Variants in ADGRB3 observed in about 807,000 individuals in gnomAD.
ADGRB3 encodes the protein brain-specific angiogenesis inhibitor 3.
ADGRB3 carries 37 observed loss-of-function variants against 193.4 expected under a neutral mutation model. The observed-to-expected ratio is 0.19, with a 90% confidence interval of 0.15 to 0.25. The LOEUF (loss-of-function observed/expected upper bound fraction) is 0.25. ADGRB3 is among the 10% of genes least tolerant of loss of function. The probability of loss-of-function intolerance (pLI) is 1.00; values close to 1 mark genes in which losing one functional copy is unlikely to be tolerated. For missense variants in ADGRB3, 1,637 were observed against 1,852.9 expected, an observed-to-expected ratio of 0.88 and a Z score of 2.14; for synonymous variants, 690 against 644.2, an observed-to-expected ratio of 1.07 and a Z score of -1.08.
At chr6:68,709,618 G>A (rs1765377359) in intron 3 of ADGRB3, among the ~76,000 whole-genome samples, 1 of 152,070 alleles carries the variant, frequency 6.6e-6, no homozygotes, top group South Asian at 2.1e-4. Context: ...CCATGTGATT[G>A]AATATGTGAA....
intron 17 of ADGRB3, among the ~76,000 whole-genome samples, chr6:69,190,161 A>T (rs543049225): frequency 2.6e-5 from 4 of 151,412 alleles, no homozygotes; most frequent in South Asian, 2.1e-4. Flanking sequence ...TTTACTATTT[A>T]AAAAAAAGTT....
intron 20 of ADGRB3, among the ~76,000 whole-genome samples, chr6:69,306,666 T>C (rs1407687722): frequency 6.6e-6 from 1 of 151,556 alleles, no homozygotes; most frequent in Non-Finnish European, 1.5e-5. Flanking sequence ...CACTACCTAA[T>C]TCTGAGATTA....
At chr6:69,122,153 TG>T (rs1773720325) in intron 17 of ADGRB3, among the ~76,000 whole-genome samples, 1 of 151,764 alleles carries the variant, frequency 6.6e-6, no homozygotes, top group African/African-American at 2.4e-5. Flanking sequence ...CACTCCAGCC[TG>T]GGCAACAGTG....
intron 3 of ADGRB3, among the ~76,000 whole-genome samples, chr6:68,713,321 A>T (rs1765435709): frequency 6.6e-6 from 1 of 151,860 alleles, no homozygotes; most frequent in Non-Finnish European, 1.5e-5. Context: ...GCTCTCATTG[A>T]AAATGCTTCA....
intron 30 of ADGRB3, among the ~76,000 whole-genome samples, chr6:69,376,676 A>G (rs1008779878): frequency 1.8e-4 from 28 of 152,066 alleles, no homozygotes; most frequent in Admixed American, 1.0e-3. Flanking sequence ...GTATATTTCA[A>G]TTTCTAAGTA....
intron 3 of ADGRB3, among the ~76,000 whole-genome samples, chr6:68,907,749 T>C (rs183451478): frequency 1.3e-5 from 2 of 152,084 alleles, no homozygotes. Flanking sequence ...TTACTTAGTA[T>C]TTTCAGATAA....
intron 26 of ADGRB3, among the ~76,000 whole-genome samples, chr6:69,349,108 A>T (rs1402634663): frequency 2.0e-5 from 3 of 152,192 alleles, no homozygotes; most frequent in Non-Finnish European, 4.4e-5. Flanking sequence ...ACACTGAAAT[A>T]ATGTCTGCCA....
intron 17 of ADGRB3, among the ~76,000 whole-genome samples, chr6:69,155,146 C>T (rs1774798871): frequency 6.6e-6 from 1 of 152,114 alleles, no homozygotes; most frequent in Non-Finnish European, 1.5e-5. Flanking sequence ...CAGCTATTAA[C>T]CTAAGGTGAC....
At chr6:68,839,749 T>C (rs1382448370) in intron 3 of ADGRB3, among the ~76,000 whole-genome samples, 1 of 152,186 alleles carries the variant, frequency 6.6e-6, no homozygotes, top group Non-Finnish European at 1.5e-5. Context: ...AGAAATCAGA[T>C]GAGCAATTAT....
At chr6:68,765,438 G>A (rs919236650) in intron 3 of ADGRB3, among the ~76,000 whole-genome samples, 3 of 151,588 alleles carry the variant, frequency 2.0e-5, no homozygotes, top group Admixed American at 6.6e-5. Flanking sequence ...AACACCGATC[G>A]CATTTTCTGT....
At chr6:68,983,522 A>G (rs1768985276) in intron 10 of ADGRB3, among the ~76,000 whole-genome samples, 1 of 150,216 alleles carries the variant, frequency 6.7e-6, no homozygotes, top group Non-Finnish European at 1.5e-5. Context: ...ATTGTATAGA[A>G]AAGTATATTT....
At chr6:69,325,994 G>A (rs1768559532) in intron 21 of ADGRB3, among the ~76,000 whole-genome samples, 1 of 151,678 alleles carries the variant, frequency 6.6e-6, no homozygotes, top group African/African-American at 2.4e-5. Flanking sequence ...ACCTGAGCGT[G>A]GGTGGACTAC....
intron 13 of ADGRB3, among the ~76,000 whole-genome samples, chr6:69,021,324 A>C (rs955764404): frequency 6.6e-6 from 1 of 151,914 alleles, no homozygotes; most frequent in Non-Finnish European, 1.5e-5. Flanking sequence ...CTGACTATAG[A>C]TAGTACACTC....
At chr6:69,333,467 C>T (rs1768770118) in intron 24 of ADGRB3, among the ~76,000 whole-genome samples, 1 of 152,002 alleles carries the variant, frequency 6.6e-6, no homozygotes. Flanking sequence ...AAAATCTTCA[C>T]TTGGAATAAT....
chr6:68,821,982 A>G (rs1767756751), intron 3 of ADGRB3, among the ~76,000 whole-genome samples: 1 of 151,924 alleles, frequency 6.6e-6, no homozygotes, highest in East Asian at 1.9e-4. Context: ...GTATTTACGT[A>G]AGAAGAACCT....
At chr6:68,783,401 A>G (rs191126510) in intron 3 of ADGRB3, among the ~76,000 whole-genome samples, 171 of 150,808 alleles carry the variant, frequency 1.1e-3, no homozygotes, top group Admixed American at 2.4e-3. Context: ...TTATATGTCT[A>G]GGCTATACTG....
chr6:69,366,771 A>G (rs1355550679), intron 29 of ADGRB3, among the ~76,000 whole-genome samples: 2 of 152,156 alleles, frequency 1.3e-5, no homozygotes, highest in African/African-American at 4.8e-5. Flanking sequence ...CAGCAACAAC[A>G]AAACAAAAAT....
At chr6:68,774,154 A>AT (rs35018732) in intron 3 of ADGRB3, among the ~76,000 whole-genome samples, 11 of 150,808 alleles carry the variant, frequency 7.3e-5, no homozygotes, top group Non-Finnish European at 1.6e-4. Flanking sequence ...TTAAAATGTT[A>AT]TTTTTTTTTT....
intron 3 of ADGRB3, among the ~76,000 whole-genome samples, chr6:68,814,306 A>G (rs1767580761): frequency 6.6e-6 from 1 of 152,236 alleles, no homozygotes; most frequent in South Asian, 2.1e-4. Flanking sequence ...TCTGATGGCC[A>G]GTGATGATGA....
Sources: gnomAD v4.1 joint callset for allele counts (sites outside exome capture counted in the v4.1 genomes callset) on GRCh38, gnomAD v4.1.1 for gene constraint, MANE v1.5 for transcripts, NCBI Gene and HGNC (gene_info 2026-07-23, HGNC 2026-07-21) for gene names.